Variants in DLGAP1 observed in about 807,000 individuals in gnomAD.
DLGAP1 encodes DLG associated protein 1, also known as disks large-associated protein 1.
In DLGAP1, 11 loss-of-function variants were observed where a neutral mutation model predicts 90.8. The observed-to-expected ratio is 0.12, with a 90% confidence interval of 0.08 to 0.20. DLGAP1 has a LOEUF of 0.20. Among genes scored for constraint, DLGAP1 ranks in the 10% least tolerant of loss-of-function variants. The pLI is 1.00. For synonymous variants in DLGAP1, 558 were observed against 540.7 expected (o/e 1.03, Z -0.44); for missense variants, 1,050 against 1,333.8 (o/e 0.79, Z 3.31).
At chr18:3,966,512 T>C (rs2073335536) in intron 3 of DLGAP1, among the ~76,000 whole-genome samples, 1 of 151,682 alleles carries the variant, frequency 6.6e-6, no homozygotes, top group Non-Finnish European at 1.5e-5. Flanking sequence ...GATGAGAAAA[T>C]CTCTGGTTGC....
Position 4,017,547 on chromosome 18 carries a change from A to C in DLGAP1, c.-158-12346T>G, listed in dbSNP as rs576081053. ...CATACCCAAAAAATGCTCCCAAACA[A>C]ATAAACATCAGTAAACAATTTCTGG... On this transcript the variant is annotated intron_variant, in intron 2 of 12. Coordinates refer to ENST00000315677, the MANE Select transcript of DLGAP1 (RefSeq NM_004746.4). 2.4e-4 allele frequency among the ~76,000 whole-genome samples: 36 copies of C among 152,354 alleles called. 1 individual carries two copies. The highest frequency in any genetic ancestry group is 8.7e-4 in the African/African-American group (36 of 41,582).
chr18:3,782,384 G>A (rs2065241742), intron 5 of DLGAP1, among the ~76,000 whole-genome samples: 1 of 152,200 alleles, frequency 6.6e-6, no homozygotes, highest in African/African-American at 2.4e-5. Context: ...TGATCCGCCT[G>A]TCTTGGCCTC....
In DLGAP1 at chr18:3,570,490, G is replaced by A. The variant is rs547569696; in HGVS notation, c.1966-2909C>T. 3.3e-5 allele frequency among the ~76,000 whole-genome samples: 5 copies of A among 151,874 alleles called. 1 individual carries two copies. The highest frequency in any genetic ancestry group is 2.6e-4 in the Admixed American group (4 of 15,212). ...GACGGGATTTCACTACATTGGCCAG[G>A]CTGGTCTCGACCTCCCAACCTCAGC... On this transcript the variant is annotated intron_variant, in intron 8 of 12. Transcript: ENST00000315677.
intron 9 of DLGAP1, among the ~76,000 whole-genome samples, chr18:3,563,020 T>C (rs973836713): frequency 6.6e-6 from 1 of 151,768 alleles, no homozygotes; most frequent in African/African-American, 2.4e-5. Flanking sequence ...AGAGATGGGA[T>C]TTTGCCATAT....
At chr18:3,703,427 G>A (rs184836973) in intron 7 of DLGAP1, among the ~76,000 whole-genome samples, 1 of 152,308 alleles carries the variant, frequency 6.6e-6, no homozygotes, top group African/African-American at 2.4e-5. Flanking sequence ...AAATGAGACT[G>A]GTAGTGAACT....
chr18:3,674,585 A>T (rs2060228166), intron 7 of DLGAP1, among the ~76,000 whole-genome samples: 1 of 151,584 alleles, frequency 6.6e-6, no homozygotes. Context: ...GTGCCATGGC[A>T]CTTCAGCCTG....
At chr18:3,624,514 G>A (rs762677812) in intron 7 of DLGAP1, among the ~76,000 whole-genome samples, 1 of 152,184 alleles carries the variant, frequency 6.6e-6, no homozygotes, top group Non-Finnish European at 1.5e-5. Context: ...GCCTGGCCCT[G>A]CTGGCAGCTC....
intron 1 of DLGAP1, among the ~76,000 whole-genome samples, chr18:4,352,910 A>G (rs1040971723): frequency 6.6e-6 from 1 of 152,150 alleles, no homozygotes; most frequent in Non-Finnish European, 1.5e-5. Context: ...GAGCACGTTT[A>G]AGCACTGGAG....
intron 7 of DLGAP1, among the ~76,000 whole-genome samples, chr18:3,624,849 A>T (rs1194103688): frequency 1.3e-5 from 2 of 152,192 alleles, no homozygotes; most frequent in South Asian, 2.1e-4. Context: ...AAACTAATCT[A>T]AACTCCAAGA....
chr18:3,930,144 C>T (rs1376842980), intron 3 of DLGAP1, among the ~76,000 whole-genome samples: 1 of 152,148 alleles, frequency 6.6e-6, no homozygotes, highest in Non-Finnish European at 1.5e-5. Flanking sequence ...TTTTTTATTT[C>T]TAATGAGGAT....
intron 7 of DLGAP1, among the ~76,000 whole-genome samples, chr18:3,623,192 C>A (rs944083561): frequency 6.6e-6 from 1 of 152,098 alleles, no homozygotes; most frequent in Non-Finnish European, 1.5e-5. Context: ...GTGAAACAGG[C>A]ATGCTAAAAG....
intron 7 of DLGAP1, among the ~76,000 whole-genome samples, chr18:3,609,636 T>C (rs58270736): frequency 0.31 from 47,062 of 152,002 alleles, 7,619 homozygotes; most frequent in Non-Finnish European, 0.34. Flanking sequence ...TGTGATGCGG[T>C]GAGCGAAGAG....
chr18:4,432,332 A>T (rs1187390307), intron 1 of DLGAP1, among the ~76,000 whole-genome samples: 1 of 152,190 alleles, frequency 6.6e-6, no homozygotes, highest in African/African-American at 2.4e-5. Context: ...ACTATTAAAC[A>T]TAGGTTTTAT....
intron 3 of DLGAP1, among the ~76,000 whole-genome samples, chr18:3,991,620 A>G (rs1396270167): frequency 6.6e-5 from 10 of 152,156 alleles, no homozygotes; most frequent in Admixed American, 6.5e-4. Flanking sequence ...TCTGGTTGGT[A>G]TTGCCCTTCT....
At chr18:3,518,292 A>C (rs1031550326) in intron 10 of DLGAP1, among the ~76,000 whole-genome samples, 1 of 152,216 alleles carries the variant, frequency 6.6e-6, no homozygotes, top group Admixed American at 6.5e-5. Context: ...TTATTGATTA[A>C]GTTCACAGTC....
chr18:4,398,738 C>T (rs2082490005), intron 1 of DLGAP1, among the ~76,000 whole-genome samples: 1 of 152,174 alleles, frequency 6.6e-6, no homozygotes, highest in East Asian at 1.9e-4. Context: ...GTCCATTAAG[C>T]CAGGGGTAAT....
At chr18:3,601,073 T>G (rs575109433) in intron 7 of DLGAP1, among the ~76,000 whole-genome samples, 253 of 145,968 alleles carry the variant, frequency 1.7e-3, no homozygotes, top group East Asian at 0.012. Flanking sequence ...TATATAGATA[T>G]ATAGATAGAT....
chr18:4,102,456 G>T (rs1282699352), intron 2 of DLGAP1, among the ~76,000 whole-genome samples: 19 of 152,162 alleles, frequency 1.2e-4, no homozygotes, highest in Non-Finnish European at 2.9e-5. Context: ...AGACAGAAAT[G>T]ATCTCTTTTG....
At chr18:3,884,165 G>T (rs2071251563) in intron 3 of DLGAP1, among the ~76,000 whole-genome samples, 1 of 152,174 alleles carries the variant, frequency 6.6e-6, no homozygotes, top group South Asian at 2.1e-4. Context: ...GAATGTAAGA[G>T]GGTTAAGTAT....
Sources: gnomAD v4.1 joint callset for allele counts (sites outside exome capture counted in the v4.1 genomes callset) on GRCh38, gnomAD v4.1.1 for gene constraint, MANE v1.5 for transcripts, NCBI Gene and HGNC (gene_info 2026-07-23, HGNC 2026-07-21) for gene names.